Variants in NSMCE1 observed in about 807,000 individuals in gnomAD.
NSMCE1 encodes NSE1 component of SMC5/6 complex.
Under a neutral mutation model 29.6 loss-of-function variants are expected in NSMCE1, and 18 were observed. That is an observed-to-expected ratio of 0.61 (90% confidence interval 0.42 to 0.90). NSMCE1 has a LOEUF of 0.90. Ranked by LOEUF, NSMCE1 falls within the 40% of genes least tolerant of loss-of-function variation. The pLI, the probability that NSMCE1 is intolerant of heterozygous loss-of-function variation, is 0.00. For missense variants in NSMCE1, 314 were observed against 343.6 expected (o/e 0.91, Z 0.68); for synonymous variants, 124 against 133.4 (o/e 0.93, Z 0.49).
At chr16:27,230,338 T>C (rs910849948) in intron 5 of NSMCE1, among the ~76,000 whole-genome samples, 4 of 152,176 alleles carry the variant, frequency 2.6e-5, no homozygotes, top group Non-Finnish European at 4.4e-5. Context: ...AAGCCCTGTG[T>C]CTGAGAGGCC....
At chr16:27,255,133 G>A (rs961584302) in intron 2 of NSMCE1, among the ~76,000 whole-genome samples, 2 of 151,984 alleles carry the variant, frequency 1.3e-5, no homozygotes, top group East Asian at 3.9e-4. Context: ...ACCCTCCTCA[G>A]CCTCCCAAAG....
At chr16:27,233,283 G>A (rs781168910) in intron 4 of NSMCE1, 136 bp from the exon 5 acceptor site, 94 of 697,782 alleles carry the variant, frequency 1.3e-4, no homozygotes, top group Middle Eastern at 3.6e-4. Context: ...ATGGTATTCC[G>A]GGAAAACAAT....
At chr16:27,237,424 C>T (rs2083837915) in intron 2 of NSMCE1, among the ~76,000 whole-genome samples, 1 of 152,258 alleles carries the variant, frequency 6.6e-6, no homozygotes, top group Non-Finnish European at 1.5e-5. Context: ...TCTTCCACAG[C>T]ATGCAAGGCA....
chr16:27,256,004 C>T (rs544447691), intron 2 of NSMCE1, among the ~76,000 whole-genome samples: 25 of 152,272 alleles, frequency 1.6e-4, no homozygotes, highest in African/African-American at 5.1e-4. Context: ...GGTGTCCCTT[C>T]GCCCTTTCAC....
chr16:27,262,421 G>C (rs923447068), intron 1 of NSMCE1, among the ~76,000 whole-genome samples: 7 of 151,730 alleles, frequency 4.6e-5, no homozygotes, highest in African/African-American at 1.7e-4. Flanking sequence ...ACAGAATAGA[G>C]AGCCCAAAAT....
rs1459861130 is a variant in NSMCE1, at chr16:27,251,189, T to TATATATAA, written c.136+6245_136+6246insTTATATAT. Among the ~76,000 whole-genome samples, 241 of 58,744 alleles carry TATATATAA rather than the reference T, an allele frequency of 4.1e-3. 7 individuals are homozygous for TATATATAA. Among genetic ancestry groups the TATATATAA allele is most frequent in the African/African-American group, 0.016 (160 of 9,988 alleles). 38.5% of individuals were successfully genotyped at this position (58,744 alleles called of 152,430 possible). A position where few individuals can be genotyped will look rare whatever the true frequency, so the allele number is the denominator to read the frequency against. On this transcript the variant is annotated intron_variant, in intron 2 of 7. Transcript: ENST00000361439. ...ATATATATATATATATATATATATA[T>TATATATAA]AAATATATATATATATATAAAACTC... is the stretch of plus-strand genomic sequence containing the variant.
chr16:27,247,979 AC>A (rs1310471145), intron 2 of NSMCE1, among the ~76,000 whole-genome samples: 1 of 151,880 alleles, frequency 6.6e-6, no homozygotes, highest in Non-Finnish European at 1.5e-5. Flanking sequence ...ATACTCTTTC[AC>A]CTCACTTCTT....
chr16:27,227,489 G>A (rs1024315189), intron 5 of NSMCE1, among the ~76,000 whole-genome samples: 1 of 152,212 alleles, frequency 6.6e-6, no homozygotes, highest in African/African-American at 2.4e-5. Context: ...CCCTGGGAGA[G>A]CCCGGAAGCA....
chr16:27,260,265 G>A (rs2084140448), intron 1 of NSMCE1, among the ~76,000 whole-genome samples: 1 of 152,284 alleles, frequency 6.6e-6, no homozygotes, highest in East Asian at 1.9e-4. Flanking sequence ...CAATCACTGG[G>A]ATTAGTGTTC....
chr16:27,262,169 G>A (rs2084165299), intron 1 of NSMCE1, among the ~76,000 whole-genome samples: 1 of 151,680 alleles, frequency 6.6e-6, no homozygotes. Context: ...GCTTGAACCT[G>A]GGAGGCGGGG....
chr16:27,253,927 G>T (rs559782424), intron 2 of NSMCE1, among the ~76,000 whole-genome samples: 273 of 152,280 alleles, frequency 1.8e-3, no homozygotes, highest in African/African-American at 6.3e-3. Context: ...GAGAATTGGG[G>T]ACTTTGTTTC....
chr16:27,240,530 C>A (rs374833482), intron 2 of NSMCE1, among the ~76,000 whole-genome samples: 1 of 152,154 alleles, frequency 6.6e-6, no homozygotes, highest in Non-Finnish European at 1.5e-5. Context: ...CCAGGTCCAG[C>A]GTGCAGGGAC....
At chr16:27,237,922 T>C (rs7186985) in intron 2 of NSMCE1, among the ~76,000 whole-genome samples, 49,310 of 152,046 alleles carry the variant, frequency 0.32, 8,095 homozygotes, top group East Asian at 0.47. Context: ...AGCCACTGCT[T>C]GGGCGCTCCC....
rs757202221 is a variant in NSMCE1 at position 27,241,833 on chromosome 16, G to A, written c.137-6534C>T. ...GACCCTCAGCAACCAATGCAGAGGC[G>A]AGCCAGAAAGGATCGCTGCTTCTCT... On this transcript the variant is annotated intron_variant, in intron 2 of 7. Coordinates refer to ENST00000361439, the MANE Select transcript of NSMCE1 (RefSeq NM_145080.4). The A allele has an allele frequency of 1.4e-4, 66 of 455,254 alleles. 1 individual carries two copies. The highest frequency in any genetic ancestry group is 9.8e-4 in the South Asian group (63 of 64,456). 28.2% of individuals were successfully genotyped at this position (455,254 alleles called of 1,614,324 possible).
intron 2 of NSMCE1, 49 bp from the exon 3 acceptor site, chr16:27,235,348 A>G (rs878874349): frequency 6.3e-7 from 1 of 1,594,590 alleles, no homozygotes; most frequent in African/African-American, 1.3e-5. Context: ...GGGCCTCATC[A>G]AAAAAATGTA....
intron 5 of NSMCE1, among the ~76,000 whole-genome samples, chr16:27,230,101 C>T (rs1388441480): frequency 6.6e-6 from 1 of 150,672 alleles, no homozygotes; most frequent in African/African-American, 2.4e-5. Flanking sequence ...GGAGGTGCGC[C>T]GATCAGCAGA....
At chr16:27,255,871 A>G (rs1010324856) in intron 2 of NSMCE1, among the ~76,000 whole-genome samples, 1 of 152,194 alleles carries the variant, frequency 6.6e-6, no homozygotes, top group African/African-American at 2.4e-5. Flanking sequence ...CATTTTGAAA[A>G]GTATAAAATG....
intron 1 of NSMCE1, among the ~76,000 whole-genome samples, chr16:27,263,440 G>A (rs535946719): frequency 6.6e-6 from 1 of 152,232 alleles, no homozygotes; most frequent in East Asian, 1.9e-4. Context: ...AGCTAACACA[G>A]GAATAGAAAA....
chr16:27,266,950 G>A (rs976289057), intron 1 of NSMCE1, among the ~76,000 whole-genome samples: 2 of 151,990 alleles, frequency 1.3e-5, no homozygotes, highest in Non-Finnish European at 2.9e-5. Flanking sequence ...AAAAAAAATG[G>A]GAGAAAAATT....
Sources: allele counts gnomAD v4.1 joint callset (sites outside exome capture counted in the v4.1 genomes callset), GRCh38; gene constraint gnomAD v4.1.1; transcripts MANE v1.5; gene names NCBI Gene and HGNC (gene_info 2026-07-23, HGNC 2026-07-21).